UBE2E2: variants seen among roughly 807,000 people sequenced by gnomAD.
UBE2E2 encodes the protein ubiquitin-conjugating enzyme E2 E2.
UBE2E2 carries 6 observed loss-of-function variants against 24.7 expected under a neutral mutation model. The ratio of observed to expected loss-of-function variants is 0.24; its 90% CI spans 0.13 to 0.48. The LOEUF is 0.48. Among genes scored for constraint, UBE2E2 ranks in the 20% least tolerant of loss-of-function variants. The pLI is 0.99. For missense variants in UBE2E2, 169 were observed against 245.0 expected (o/e 0.69, Z 2.07); for synonymous variants, 104 against 83.6 (o/e 1.24, Z -1.33).
At chr3:23,527,128 C>T (rs1235613545) in intron 4 of UBE2E2, among the ~76,000 whole-genome samples, 1 of 152,030 alleles carries the variant, frequency 6.6e-6, no homozygotes, top group Non-Finnish European at 1.5e-5. Flanking sequence ...ATCATTACAC[C>T]TTATCAAAAT....
At chr3:23,296,846 A>G (rs1227566543) in intron 3 of UBE2E2, among the ~76,000 whole-genome samples, 1 of 152,196 alleles carries the variant, frequency 6.6e-6, no homozygotes, top group Non-Finnish European at 1.5e-5. Flanking sequence ...GCTGGGTCAA[A>G]TGGTATTTCT....
At chr3:23,270,024 T>G (rs903650584) in intron 3 of UBE2E2, among the ~76,000 whole-genome samples, 1 of 152,164 alleles carries the variant, frequency 6.6e-6, no homozygotes, top group Non-Finnish European at 1.5e-5. Flanking sequence ...AGAAATGCCT[T>G]GTCCTGGTGC....
At chr3:23,272,365 G>T (rs914716702) in intron 3 of UBE2E2, among the ~76,000 whole-genome samples, 1 of 151,850 alleles carries the variant, frequency 6.6e-6, no homozygotes, top group Non-Finnish European at 1.5e-5. Context: ...CACGCAGCCC[G>T]GGTTCCCACC....
intron 3 of UBE2E2, among the ~76,000 whole-genome samples, chr3:23,396,540 C>T (rs944578182): frequency 1.1e-4 from 17 of 151,822 alleles, no homozygotes; most frequent in African/African-American, 4.1e-4. Context: ...TCTCATGACA[C>T]AGTAGAAAAT....
intron 3 of UBE2E2, among the ~76,000 whole-genome samples, chr3:23,269,564 G>A (rs1240794828): frequency 1.3e-5 from 2 of 152,292 alleles, no homozygotes; most frequent in African/African-American, 2.4e-5. Context: ...GTGGGAGTTG[G>A]GGTAGGAGAA....
intron 3 of UBE2E2, among the ~76,000 whole-genome samples, chr3:23,374,620 C>G (rs1256666736): frequency 6.6e-6 from 1 of 152,118 alleles, no homozygotes; most frequent in Non-Finnish European, 1.5e-5. Context: ...TCTCCCCTTT[C>G]GGGATGAAAC....
At chr3:23,382,205 G>A (rs1172167495) in intron 3 of UBE2E2, among the ~76,000 whole-genome samples, 3 of 112,374 alleles carry the variant, frequency 2.7e-5, no homozygotes, top group Non-Finnish European at 5.1e-5. Context: ...TTTTTGAGAC[G>A]AAGTCTCGCT....
At chr3:23,330,884 T>C (rs966990788) in intron 3 of UBE2E2, among the ~76,000 whole-genome samples, 2 of 152,210 alleles carry the variant, frequency 1.3e-5, no homozygotes, top group African/African-American at 2.4e-5. Context: ...TAAAAAAGAT[T>C]AGAATGAAAC....
chr3:23,504,355 T>G (rs1694379713), intron 4 of UBE2E2, among the ~76,000 whole-genome samples: 1 of 152,210 alleles, frequency 6.6e-6, no homozygotes, highest in Admixed American at 6.5e-5. Flanking sequence ...AACAATTAGG[T>G]TCTTCTCATT....
At chr3:23,367,815 G>T (rs1431812650) in intron 3 of UBE2E2, among the ~76,000 whole-genome samples, 1 of 152,150 alleles carries the variant, frequency 6.6e-6, no homozygotes, top group Non-Finnish European at 1.5e-5. Flanking sequence ...CACTTTGTGG[G>T]ATCTGAAACT....
chr3:23,343,210 G>T (rs4858507), intron 3 of UBE2E2, among the ~76,000 whole-genome samples: 126,890 of 151,818 alleles, frequency 0.84, 53,076 homozygotes, highest in African/African-American at 0.88. Flanking sequence ...GACATGGAAA[G>T]GTACTTAGGA....
At chr3:23,506,191 CT>C (rs1412010818) in intron 4 of UBE2E2, among the ~76,000 whole-genome samples, 2 of 152,190 alleles carry the variant, frequency 1.3e-5, no homozygotes, top group East Asian at 1.9e-4. Flanking sequence ...CATGAATTGG[CT>C]TGTTTTTAAC....
intron 3 of UBE2E2, among the ~76,000 whole-genome samples, chr3:23,253,113 C>G (rs751006618): frequency 1.3e-5 from 2 of 152,092 alleles, no homozygotes; most frequent in East Asian, 1.9e-4. Context: ...GAAAATAAAA[C>G]TAGGAGAAAA....
At chr3:23,214,719 C>T (rs924120424) in intron 2 of UBE2E2, among the ~76,000 whole-genome samples, 1 of 151,880 alleles carries the variant, frequency 6.6e-6, no homozygotes, top group African/African-American at 2.4e-5. Flanking sequence ...TCTTTTGGTT[C>T]TCTTAGTTTA....
At chr3:23,327,335 G>C (rs1183043808) in intron 3 of UBE2E2, among the ~76,000 whole-genome samples, 1 of 152,144 alleles carries the variant, frequency 6.6e-6, no homozygotes, top group Non-Finnish European at 1.5e-5. Flanking sequence ...TCCAGCACCT[G>C]TTGTTTCCTG....
chr3:23,203,281 G>A (rs1696012214), upstream of UBE2E2: 3 of 987,838 alleles, frequency 3.0e-6, no homozygotes, highest in Non-Finnish European at 2.4e-6. Context: ...GGGCGGGCGC[G>A]AGCGCGGCGG....
At chr3:23,445,806 A>ATTTG (rs1698416120) in intron 3 of UBE2E2, among the ~76,000 whole-genome samples, 1 of 152,110 alleles carries the variant, frequency 6.6e-6, no homozygotes, top group Non-Finnish European at 1.5e-5. Flanking sequence ...TCACAGACTT[A>ATTTG]TTTGTTGGCA....
Position 23,564,192 on chromosome 3 carries a change from G to A in UBE2E2, c.509-25542G>A, listed in dbSNP as rs1696007071. 3.3e-5 allele frequency among the ~76,000 whole-genome samples: 5 copies of A among 151,830 alleles called. No individual in the cohort carries two copies. The South Asian group carries it at 8.3e-4, about 25-fold the overall frequency. ...AAATGTGAGTGCATTCACATTTAGG[G>A]GCAATAGGTCTGTTCATTGCCTCTC... On this transcript the variant is annotated intron_variant, in intron 5 of 5. Coordinates refer to ENST00000396703, the MANE Select transcript of UBE2E2 (RefSeq NM_152653.4).
chr3:23,417,300 A>C (rs1238155104), intron 3 of UBE2E2, among the ~76,000 whole-genome samples: 3 of 152,140 alleles, frequency 2.0e-5, no homozygotes, highest in Admixed American at 2.0e-4. Context: ...TCCTTCTAAC[A>C]GGCCCCTCTG....
Sources: allele counts gnomAD v4.1 joint callset (sites outside exome capture counted in the v4.1 genomes callset), GRCh38; gene constraint gnomAD v4.1.1; transcripts MANE v1.5; gene names NCBI Gene and HGNC (gene_info 2026-07-23, HGNC 2026-07-21).